Variants in ZNF529 observed in about 807,000 individuals in gnomAD.
ZNF529 encodes zinc finger protein 529.
Under a neutral mutation model 10.1 loss-of-function variants are expected in ZNF529, and 11 were observed. The ratio of observed to expected loss-of-function variants is 1.09; its 90% CI spans 0.69 to 1.81. The LOEUF is 1.81. ZNF529 is among the 40% of genes most tolerant of loss of function. The pLI, the probability that ZNF529 is intolerant of heterozygous loss-of-function variation, is 0.00. For missense variants in ZNF529, 624 were observed against 666.8 expected (o/e 0.94, Z 0.71); for synonymous variants, 204 against 215.7 (o/e 0.95, Z 0.47).
intron 4 of ZNF529, among the ~76,000 whole-genome samples, chr19:36,552,286 C>T (rs1229654556): frequency 7.9e-5 from 12 of 151,954 alleles, no homozygotes; most frequent in African/African-American, 2.9e-4. Context: ...AAAAATTAGC[C>T]GGGCGTGGTG....
rs2035403907 is a variant in ZNF529 at position 36,554,822 on chromosome 19, AG to A, written c.109-27del. 4.0e-6 allele frequency: 6 copies of A among 1,497,566 alleles called. No homozygotes were observed. The East Asian group carries it at 1.5e-4, about 38-fold the overall frequency. The allele number at this position is 1,497,566 out of a possible 1,614,324, so 92.8% of individuals were successfully genotyped here. On this transcript the variant is annotated intron_variant, in intron 3 of 4. Coordinates refer to ENST00000591340, the MANE Select transcript of ZNF529 (RefSeq NM_020951.5). ...CTGAAACAACAAACCCGTACATTAC[AG>A]GTAAAATTTAAGGAAATATTTTTGA...
At chr19:36,591,313 A>G (rs2036707290) in intron 1 of ZNF529, among the ~76,000 whole-genome samples, 1 of 150,674 alleles carries the variant, frequency 6.6e-6, no homozygotes, top group South Asian at 2.1e-4. Context: ...AAAAAAAAAA[A>G]GAAAATAATT....
At position 36,547,601 on chromosome 19, in the gene ZNF529, G is replaced by C; in HGVS notation, c.957C>G (p.Phe319Leu). The change falls in exon 5 of 5, where the codon TTC becomes TTG. Residue 319 changes from phenylalanine to leucine, a missense_variant. Coordinates refer to ENST00000591340, the MANE Select transcript of ZNF529 (RefSeq NM_020951.5). ...GTTCGGTAAGCTGTGAATGAAATCT[G>C]AAGTCCTTGCCACATTCCATACATT... Reference protein sequence around the residue: ...TYKCMECGKDFRFHSQLTEHQ... With the variant: ...TYKCMECGKDLRFHSQLTEHQ... The C allele has an allele frequency of 1.2e-6, 2 of 1,613,720 alleles. No individual in the cohort carries two copies. Among genetic ancestry groups the C allele is most frequent in the Admixed American group, 1.7e-5 (1 of 60,012 alleles).
intron 4 of ZNF529, among the ~76,000 whole-genome samples, chr19:36,552,561 G>C (rs1034902267): frequency 7.2e-5 from 11 of 152,166 alleles, no homozygotes; most frequent in Admixed American, 5.9e-4. Context: ...TTTGTGCTTT[G>C]GCAATGACTT....
chr19:36,569,658 T>TCAGCC (rs1292227837), intron 2 of ZNF529, among the ~76,000 whole-genome samples: 2 of 151,798 alleles, frequency 1.3e-5, no homozygotes, highest in Non-Finnish European at 2.9e-5. Flanking sequence ...TCCCAGCTAC[T>TCAGCC]CAGGAGGCTG....
At chr19:36,589,970 A>T (rs2036668531) in intron 1 of ZNF529, among the ~76,000 whole-genome samples, 1 of 152,200 alleles carries the variant, frequency 6.6e-6, no homozygotes, top group African/African-American at 2.4e-5. Context: ...AAACCCACAA[A>T]TGTTTGGAAA....
chr19:36,548,185 T>G lies in ZNF529; in HGVS notation c.373A>C (p.Ser125Arg), dbSNP rs1165309980. 1 of 1,613,794 alleles carries G rather than the reference T, an allele frequency of 6.2e-7. No individual in the cohort carries two copies. Among genetic ancestry groups the G allele is most frequent in the Non-Finnish European group, 8.5e-7 (1 of 1,179,854 alleles). The change falls in exon 5 of 5, where the codon AGC (serine) becomes CGC (arginine). Residue 125 changes from serine to arginine, a missense_variant. Ser to Arg is a moderately radical substitution (Grantham distance 110). Transcript: ENST00000591340. ...CCTTGTAAGTCAATCTTGCTTTTGC[T>G]TTGCCAGTCATTTCTGAAAATGGAA... ...EGSIFRNDWQ[S>R]KSKIDLQGPE...
intron 2 of ZNF529, among the ~76,000 whole-genome samples, chr19:36,565,726 G>A (rs1293647791): frequency 6.6e-6 from 1 of 151,934 alleles, no homozygotes; most frequent in Non-Finnish European, 1.5e-5. Context: ...AGAAAACAAC[G>A]ATAAAGGTAC....
At chr19:36,560,702 G>A (rs909475090) in intron 2 of ZNF529, among the ~76,000 whole-genome samples, 7 of 152,066 alleles carry the variant, frequency 4.6e-5, no homozygotes, top group African/African-American at 1.7e-4. Flanking sequence ...AAGATGAAAG[G>A]AAATAAGAGT....
At chr19:36,582,656 C>G (rs966647778) in intron 2 of ZNF529, 1 of 149,132 alleles carries the variant, frequency 6.7e-6, no homozygotes, top group African/African-American at 2.5e-5. Flanking sequence ...TGCAGTGAGC[C>G]GAGATCGCGC....
intron 2 of ZNF529, among the ~76,000 whole-genome samples, chr19:36,564,362 G>T (rs928565727): frequency 6.6e-6 from 1 of 152,096 alleles, no homozygotes; most frequent in Admixed American, 6.6e-5. Flanking sequence ...TTTAACAAAG[G>T]TCTAATATCC....
intron 2 of ZNF529, among the ~76,000 whole-genome samples, chr19:36,565,274 A>C (rs1185099459): frequency 6.6e-6 from 1 of 152,194 alleles, no homozygotes; most frequent in Non-Finnish European, 1.5e-5. Flanking sequence ...AACACAATGA[A>C]GGAGAAACTA....
intron 2 of ZNF529, among the ~76,000 whole-genome samples, chr19:36,583,460 G>A (rs1268638682): frequency 6.6e-6 from 1 of 151,952 alleles, no homozygotes; most frequent in Non-Finnish European, 1.5e-5. Context: ...ACATGGTTTT[G>A]AATGCTGTCT....
chr19:36,568,193 C>A (rs1260493002), intron 2 of ZNF529, among the ~76,000 whole-genome samples: 1 of 152,154 alleles, frequency 6.6e-6, no homozygotes, highest in Non-Finnish European at 1.5e-5. Context: ...TAGAGACTAG[C>A]TAAAATATCT....
chr19:36,573,589 G>C (rs1459458157), upstream of ZNF529: 2 of 441,048 alleles, frequency 4.5e-6, no homozygotes, highest in East Asian at 1.4e-4. Context: ...AGGAAGCTGG[G>C]GCGAGGGTGG....
rs974277924 is a variant in ZNF529, at chr19:36,545,397, C to G, written c.*1469G>C. 1 of 152,278 alleles carries G rather than the reference C, an allele frequency of 6.6e-6. No homozygotes were observed. Among genetic ancestry groups the G allele is most frequent in the Non-Finnish European group, 1.5e-5 (1 of 68,270 alleles). 9.4% of individuals were successfully genotyped at this position (152,278 alleles called of 1,614,324 possible). The stretch of plus-strand genomic sequence containing the variant: ...ATAAAATTAGCCGGTCATGGTGGCG[C>G]ATGCCTGTAATCCCAGCTAATCAGG... On this transcript the variant is annotated 3_prime_UTR_variant, in exon 5 of 5. Transcript: ENST00000591340.
intron 2 of ZNF529, among the ~76,000 whole-genome samples, chr19:36,579,586 C>A (rs2036418897): frequency 6.6e-6 from 1 of 152,158 alleles, no homozygotes; most frequent in South Asian, 2.1e-4. Flanking sequence ...ATATAGCATA[C>A]CTGTATTGAA....
rs1272951979 is a variant in ZNF529, at chr19:36,544,675, T to C, written c.*2191A>G. Reference sequence around the variant, plus strand: ...AATAGCAAATATCCTGACAAAAAGGTTAACATACTCTTGTTCTTACTGTGT... The same window carrying C: ...AATAGCAAATATCCTGACAAAAAGGCTAACATACTCTTGTTCTTACTGTGT... On this transcript the variant is annotated 3_prime_UTR_variant, in exon 5 of 5. Transcript: ENST00000591340. 2.6e-5 allele frequency: 4 copies of C among 152,160 alleles called. No individual in the cohort carries two copies. Among genetic ancestry groups the C allele is most frequent in the African/African-American group, 9.7e-5 (4 of 41,446 alleles). The allele number at this position is 152,160 out of a possible 1,614,324, so 9.4% of individuals were successfully genotyped here.
intron 4 of ZNF529, among the ~76,000 whole-genome samples, chr19:36,552,688 A>G (rs986874269): frequency 1.3e-5 from 2 of 152,318 alleles, no homozygotes; most frequent in Non-Finnish European, 2.9e-5. Flanking sequence ...GAAATGGAAG[A>G]CTGCTTACAA....
Sources: allele counts gnomAD v4.1 joint callset (sites outside exome capture counted in the v4.1 genomes callset), GRCh38; gene constraint gnomAD v4.1.1; transcripts MANE v1.5; gene names NCBI Gene and HGNC (gene_info 2026-07-23, HGNC 2026-07-21).